KAZN: variants seen among roughly 807,000 people sequenced by gnomAD.
The protein encoded by KAZN is kazrin, periplakin interacting protein.
KAZN carries 40 observed loss-of-function variants against 87.4 expected under a neutral mutation model. That is an observed-to-expected ratio of 0.46 (90% CI 0.36 to 0.60). The LOEUF (loss-of-function observed/expected upper bound fraction) is 0.60. Ranked by LOEUF, KAZN falls within the 20% of genes least tolerant of loss-of-function variation. KAZN has a pLI of 0.00. For missense variants in KAZN, 898 were observed against 1,073.9 expected (o/e 0.84, Z 2.29); for synonymous variants, 466 against 458.3 (o/e 1.02, Z -0.22).
chr1:13,983,504 G>A (rs894189047), intron 1 of KAZN, among the ~76,000 whole-genome samples: 26 of 152,184 alleles, frequency 1.7e-4, no homozygotes, highest in African/African-American at 2.2e-4. Flanking sequence ...TAGCTGGCCC[G>A]CAAGCACGGC....
intron 2 of KAZN, among the ~76,000 whole-genome samples, chr1:14,291,721 A>G (rs546995888): frequency 6.6e-6 from 1 of 152,284 alleles, no homozygotes; most frequent in South Asian, 2.1e-4. Flanking sequence ...AAAGAGATGA[A>G]CCAGGTACCT....
At chr1:14,514,070 C>T (rs1239795105) in intron 2 of KAZN, among the ~76,000 whole-genome samples, 2 of 150,580 alleles carry the variant, frequency 1.3e-5, no homozygotes, top group East Asian at 4.0e-4. Context: ...TCTGTAATCC[C>T]AGCACTTTGG....
intron 4 of KAZN, among the ~76,000 whole-genome samples, chr1:15,051,924 C>A (rs532331811): frequency 6.6e-6 from 1 of 152,228 alleles, no homozygotes; most frequent in African/African-American, 2.4e-5. Context: ...TTCTGTCTGA[C>A]TTTTGTCAAA....
intron 2 of KAZN, among the ~76,000 whole-genome samples, chr1:14,961,260 G>T (rs902806604): frequency 2.0e-5 from 3 of 152,200 alleles, no homozygotes; most frequent in Admixed American, 2.0e-4. Context: ...TTTCTCTGCT[G>T]GAGGACATGT....
At chr1:14,583,845 C>A (rs1209626003) in intron 2 of KAZN, among the ~76,000 whole-genome samples, 2 of 152,182 alleles carry the variant, frequency 1.3e-5, no homozygotes, top group East Asian at 3.9e-4. Flanking sequence ...CCCCCCTCCC[C>A]TACCTTTATA....
chr1:14,649,238 G>A (rs36092172), intron 1 of KAZN, among the ~76,000 whole-genome samples: 3,846 of 152,286 alleles, frequency 0.025, 63 homozygotes, highest in Non-Finnish European at 0.039. Flanking sequence ...CCAGAAGGCC[G>A]AATCCACATA....
intron 1 of KAZN, among the ~76,000 whole-genome samples, chr1:14,872,038 G>T (rs989791771): frequency 8.5e-5 from 13 of 152,310 alleles, no homozygotes; most frequent in African/African-American, 2.9e-4. Context: ...ATTGCTGGCA[G>T]ATAAACATCT....
At chr1:14,862,294 C>T (rs772255814) in intron 1 of KAZN, among the ~76,000 whole-genome samples, 2 of 152,068 alleles carry the variant, frequency 1.3e-5, no homozygotes, top group African/African-American at 2.4e-5. Flanking sequence ...GGTTGCCCGT[C>T]GGCAGAAGGC....
intron 1 of KAZN, among the ~76,000 whole-genome samples, chr1:13,952,304 C>T (rs1044650604): frequency 2.0e-5 from 3 of 151,030 alleles, no homozygotes; most frequent in Non-Finnish European, 2.9e-5. Context: ...CAAGCCACTT[C>T]ACTGCTTGGA....
At chr1:14,937,206 C>A (rs528593649) in intron 1 of KAZN, among the ~76,000 whole-genome samples, 2 of 152,242 alleles carry the variant, frequency 1.3e-5, no homozygotes, top group African/African-American at 4.8e-5. Context: ...GGCTCCTCAG[C>A]AAGCCTGTGT....
chr1:14,983,500 CAA>C (rs1459512486), intron 2 of KAZN, among the ~76,000 whole-genome samples: 1 of 152,224 alleles, frequency 6.6e-6, no homozygotes, highest in Non-Finnish European at 1.5e-5. Flanking sequence ...GGTGGAAATG[CAA>C]AGTGACGTGA....
rs535630506 is a variant in KAZN, at chr1:14,043,570, G to C, written c.92-136865G>C. On this transcript the variant is annotated intron_variant, in intron 1 of 16. Coordinates refer to the KAZN transcript ENST00000636203. ...ACATTTCTACCAGCAAAGCAAAACTGTCTCAATTTCTCTATACCCTCTCCA... is the reference window on the plus strand; with the variant it reads ...ACATTTCTACCAGCAAAGCAAAACTCTCTCAATTTCTCTATACCCTCTCCA... Among the ~76,000 whole-genome samples, 181 of 151,596 alleles carry C rather than the reference G, an allele frequency of 1.2e-3. 1 individual carries two copies. Among genetic ancestry groups the C allele is most frequent in the Non-Finnish European group, 1.7e-3 (117 of 67,926 alleles).
intron 7 of KAZN, among the ~76,000 whole-genome samples, chr1:15,064,660 C>G (rs10927663): frequency 0.38 from 57,567 of 152,142 alleles, 13,079 homozygotes; most frequent in East Asian, 0.77. Context: ...AATGGAGCCC[C>G]CGGTGGCCAT....
chr1:14,390,364 C>A (rs1044086689), intron 2 of KAZN, among the ~76,000 whole-genome samples: 1 of 152,102 alleles, frequency 6.6e-6, no homozygotes, highest in South Asian at 2.1e-4. Context: ...AATATAAGTA[C>A]CTCCTTGGAA....
intron 1 of KAZN, among the ~76,000 whole-genome samples, chr1:14,130,795 G>A (rs959933089): frequency 3.9e-5 from 6 of 152,058 alleles, no homozygotes; most frequent in Admixed American, 2.6e-4. Flanking sequence ...GTAGCATTTA[G>A]GCAATTCTGA....
intron 2 of KAZN, among the ~76,000 whole-genome samples, chr1:14,399,416 T>C (rs1384222699): frequency 6.6e-6 from 1 of 152,110 alleles, no homozygotes; most frequent in African/African-American, 2.4e-5. Context: ...TAGTGTTCTA[T>C]CAACAAAAAG....
chr1:14,935,662 T>G (rs907385216), intron 1 of KAZN, among the ~76,000 whole-genome samples: 1 of 152,058 alleles, frequency 6.6e-6, no homozygotes, highest in African/African-American at 2.4e-5. Flanking sequence ...CACTTCTATT[T>G]TTCCTCTCTC....
chr1:14,535,670 AAAAAAAT>A (rs923430986), intron 2 of KAZN, among the ~76,000 whole-genome samples: 6 of 151,924 alleles, frequency 3.9e-5, no homozygotes, highest in Admixed American at 2.6e-4. Flanking sequence ...GTCTCAAAAA[AAAAAAAT>A]AAAAATAAAA....
chr1:14,388,780 T>C (rs1379923810), intron 2 of KAZN, among the ~76,000 whole-genome samples: 1 of 152,144 alleles, frequency 6.6e-6, no homozygotes, highest in Non-Finnish European at 1.5e-5. Context: ...CTCCAGGACA[T>C]TGGACTGGGC....
Sources: gnomAD v4.1 joint callset for allele counts (sites outside exome capture counted in the v4.1 genomes callset) on GRCh38, gnomAD v4.1.1 for gene constraint, MANE v1.5 for transcripts, NCBI Gene and HGNC (gene_info 2026-07-23, HGNC 2026-07-21) for gene names.